Variants in ACTR8 observed in about 807,000 individuals in gnomAD.
ACTR8 encodes actin-related protein 8.
A neutral mutation model predicts 84.3 loss-of-function variants in ACTR8; 70 were observed. The observed-to-expected ratio is 0.83, with a 90% confidence interval of 0.68 to 1.01. ACTR8 has a LOEUF of 1.01. ACTR8 is among the 50% of genes least tolerant of loss of function. ACTR8 has a pLI of 0.00. For synonymous variants in ACTR8, 268 were observed against 275.2 expected, an observed-to-expected ratio of 0.97 and a Z score of 0.26; for missense variants, 672 against 775.4, an observed-to-expected ratio of 0.87 and a Z score of 1.58.
intron 8 of ACTR8, 117 bp from the exon 9 acceptor site, chr3:53,873,244 T>C: frequency 4.7e-6 from 3 of 635,222 alleles, no homozygotes. Flanking sequence ...AACCTACAGC[T>C]TTGTACCACT....
rs753742292 is a variant in ACTR8 at position 53,874,278 on chromosome 3, T to C, written c.998A>G (p.Gln333Arg). 2 of 1,614,200 alleles carry C rather than the reference T, an allele frequency of 1.2e-6. No homozygotes were observed. The highest frequency in any genetic ancestry group is 2.2e-5 in the South Asian group (2 of 91,088). ...QRAGFPYREC[Q>R]LTNKMDCLLL... The stretch of plus-strand genomic sequence containing the variant: ...AAGACAATCCATTTTATTTGTTAAC[T>C]GGCATTCTCTGTAAGGGAACCCAGC... The change falls in exon 8 of 13, where the codon CAG (glutamine) becomes CGG (arginine). Residue 333 changes from glutamine to arginine, a missense_variant. Transcript: ENST00000335754.
chr3:53,876,970 A>C (rs1699983759), intron 5 of ACTR8, among the ~76,000 whole-genome samples: 1 of 152,098 alleles, frequency 6.6e-6, no homozygotes, highest in Non-Finnish European at 1.5e-5. Context: ...GTCCAAAGAG[A>C]AGACAAAAAT....
At chr3:53,869,102 G>A (rs9850063) in intron 12 of ACTR8, among the ~76,000 whole-genome samples, 53,159 of 152,022 alleles carry the variant, frequency 0.35, 9,641 homozygotes, top group East Asian at 0.6. Flanking sequence ...TAACACGGTG[G>A]AATGCCGCCT....
chr3:53,879,973 T>C lies in ACTR8; in HGVS notation c.260A>G (p.Tyr87Cys). 1 of 1,613,978 alleles carries C rather than the reference T, an allele frequency of 6.2e-7. No homozygotes were observed. Residue 87 changes from tyrosine (Y) to cysteine (C), a missense_variant, in exon 2 of 13, where the codon TAC (tyrosine) becomes TGC (cysteine). Physicochemically the swap from Tyr to Cys is radical, Grantham distance 194. Coordinates refer to ENST00000335754, the MANE Select transcript of ACTR8 (RefSeq NM_022899.5). ...CTCCCTTAGGAGCCAACTGTCCTTG[T>C]ATAGGGGCTGCCCTTGTTGTTTGTG... ...RRHKQQGQPL[Y>C]KDSWLLREGL...
At chr3:53,871,890 G>T (rs1402266453) in intron 10 of ACTR8, among the ~76,000 whole-genome samples, 1 of 152,190 alleles carries the variant, frequency 6.6e-6, no homozygotes, top group Non-Finnish European at 1.5e-5. Context: ...CCTCATGCCT[G>T]CCTCTGGGGA....
At chr3:53,863,738 C>CA (rs914790751), downstream of ACTR8, among the ~76,000 whole-genome samples, 2 of 152,008 alleles carry the variant, frequency 1.3e-5, no homozygotes, top group Non-Finnish European at 2.9e-5. Context: ...TGACCCGACT[C>CA]AAAATGTGAA....
At position 53,876,082 on chromosome 3, in the gene ACTR8, T is replaced by TGGGG. The variant is rs74580677; in HGVS notation, c.779-6_779-3dup. On this transcript the variant is annotated splice_region_variant and splice_polypyrimidine_tract_variant and intron_variant, in intron 6 of 12. Transcript: ENST00000335754. ...CAGACTCCTGATGGACCACAATCCC[T>TGGGG]GGGGGGGGAAAAGAAAAGGCAGAGT... is the stretch of plus-strand genomic sequence containing the variant. 3.7e-4 allele frequency: 589 copies of TGGGG among 1,578,852 alleles called. 2 individuals carry two copies. In the African/African-American group the frequency reaches 7.0e-3, roughly 19 times the overall value.
At chr3:53,871,840 G>T (rs75590933) in intron 10 of ACTR8, among the ~76,000 whole-genome samples, 67 of 152,316 alleles carry the variant, frequency 4.4e-4, no homozygotes, top group African/African-American at 1.5e-3. Flanking sequence ...CATGGGCCAT[G>T]ACTGTTAAGG....
chr3:53,875,206 A>G (rs1486102123), intron 7 of ACTR8, among the ~76,000 whole-genome samples: 1 of 152,230 alleles, frequency 6.6e-6, no homozygotes, highest in Admixed American at 6.5e-5. Context: ...ATAACTCAAA[A>G]TGGATTTTAG....
chr3:53,867,389 T>A lies in ACTR8; in HGVS notation c.*1330A>T, dbSNP rs1407273946. 6.6e-6 allele frequency: 1 copy of A among 152,250 alleles called. No individual in the cohort carries two copies. Among genetic ancestry groups the A allele is most frequent in the Non-Finnish European group, 1.5e-5 (1 of 68,048 alleles). 9.4% of individuals were successfully genotyped at this position (152,250 alleles called of 1,614,324 possible). ...ACAATTTTCAAATTGAAGGCACACA[T>A]CCCAGTTGGTACTGGCAAGTTTAAA... On this transcript the variant is annotated 3_prime_UTR_variant, in exon 13 of 13. Transcript: ENST00000335754.
In ACTR8 at chr3:53,867,077, A is replaced by G. The variant is rs1223799476; in HGVS notation, c.*1642T>C. ...GCTGAGGCAATATGTTTAATGTAGC[A>G]AATTTTACTTATTTGTCATGATCAG... On this transcript the variant is annotated 3_prime_UTR_variant, in exon 13 of 13. Transcript: ENST00000335754. The G allele has an allele frequency of 6.6e-6, 1 of 152,232 alleles. No individual in the cohort carries two copies. The highest frequency in any genetic ancestry group is 1.5e-5 in the Non-Finnish European group (1 of 68,044). The allele number at this position is 152,232 out of a possible 1,614,324, so 9.4% of individuals were successfully genotyped here. A position where few individuals can be genotyped will look rare whatever the true frequency, so the allele number is the denominator to read the frequency against.
At chr3:53,864,954 AAAG>A (rs746986147), downstream of ACTR8, 2 of 1,614,190 alleles carry the variant, frequency 1.2e-6, no homozygotes, top group South Asian at 1.1e-5. Flanking sequence ...TTGCCACTCA[AAAG>A]AAGGCAGCAG....
At chr3:53,862,542 G>T (rs79255962), downstream of ACTR8, among the ~76,000 whole-genome samples, 2,501 of 152,254 alleles carry the variant, frequency 0.016, 78 homozygotes, top group South Asian at 0.11. Flanking sequence ...CAAAAAAGGT[G>T]GGGGGTGAAG....
At chr3:53,872,301 T>A in intron 10 of ACTR8, 83 bp downstream of exon 10, 2 of 1,380,954 alleles carry the variant, frequency 1.4e-6, no homozygotes, top group Non-Finnish European at 1.9e-6. Context: ...AAGATAGAAC[T>A]GATTACAATG....
At chr3:53,876,406 C>G (rs1699969217) in intron 6 of ACTR8, among the ~76,000 whole-genome samples, 1 of 151,934 alleles carries the variant, frequency 6.6e-6, no homozygotes, top group South Asian at 2.1e-4. Context: ...GTAGTCCCAG[C>G]CAATCAGGAG....
Position 53,876,095 on chromosome 3 carries a change from G to A in ACTR8, c.779-15C>T, listed in dbSNP as rs62752960. ...GACCACAATCCCTGGGGGGGGAAAA[G>A]AAAAGGCAGAGTAGTCATTAGCTGT... On this transcript the variant is annotated splice_polypyrimidine_tract_variant and intron_variant, in intron 6 of 12. Coordinates refer to ENST00000335754, the MANE Select transcript of ACTR8 (RefSeq NM_022899.5). The A allele has an allele frequency of 0.26, 259,993 of 995,216 alleles. 26,364 individuals are homozygous for A. Among genetic ancestry groups the A allele is most frequent in the East Asian group, 0.55 (14,622 of 26,708 alleles). 61.6% of individuals were successfully genotyped at this position (995,216 alleles called of 1,614,324 possible).
rs763021015 is a variant in ACTR8, at chr3:53,872,988, G to T, written c.1161+44C>A. On this transcript the variant is annotated intron_variant, in intron 9 of 12. Transcript: ENST00000335754. ...TATTCTCTCAGTTTGATTGAACCTGGATAACTTTCTTTCTACCCATGGAAA... is the reference window on the plus strand; with the variant it reads ...TATTCTCTCAGTTTGATTGAACCTGTATAACTTTCTTTCTACCCATGGAAA... 6 of 1,435,284 alleles carry T rather than the reference G, an allele frequency of 4.2e-6. No homozygotes were observed. In the South Asian group the frequency reaches 6.0e-5, roughly 14 times the overall value. The allele number at this position is 1,435,284 out of a possible 1,614,324, so 88.9% of individuals were successfully genotyped here.
downstream of ACTR8, among the ~76,000 whole-genome samples, chr3:53,862,652 T>G (rs4687754): frequency 0.07 from 10,628 of 152,208 alleles, 585 homozygotes; most frequent in Middle Eastern, 0.15. Flanking sequence ...TGCTTCCCCA[T>G]CAGTGTGAGG....
rs529888094 is a variant in ACTR8, at chr3:53,876,092, AAAG to A, written c.779-15_779-13del. The stretch of plus-strand genomic sequence containing the variant: ...ATGGACCACAATCCCTGGGGGGGGA[AAAG>A]AAAAGGCAGAGTAGTCATTAGCTGT... On this transcript the variant is annotated splice_polypyrimidine_tract_variant and intron_variant, in intron 6 of 12. Coordinates refer to ENST00000335754, the MANE Select transcript of ACTR8 (RefSeq NM_022899.5). 2.1e-3 allele frequency: 3,277 copies of A among 1,589,242 alleles called. 9 individuals carry two copies. Among genetic ancestry groups the A allele is most frequent in the African/African-American group, 9.5e-3 (628 of 66,376 alleles).
Sources: allele counts gnomAD v4.1 joint callset (sites outside exome capture counted in the v4.1 genomes callset), GRCh38; gene constraint gnomAD v4.1.1; transcripts MANE v1.5; gene names NCBI Gene and HGNC (gene_info 2026-07-23, HGNC 2026-07-21).